The following MAPK10 variants were observed in gnomAD, a reference collection of about 807,000 sequenced individuals.
MAPK10 encodes mitogen-activated protein kinase 10, also known as JNK3 alpha protein kinase.
MAPK10 carries 25 observed loss-of-function variants against 59.3 expected under a neutral mutation model. That is an observed-to-expected ratio of 0.42 (90% CI 0.31 to 0.59). The LOEUF is 0.59. Ranked by LOEUF, MAPK10 falls within the 20% of genes least tolerant of loss-of-function variation. MAPK10 has a pLI of 0.15. For missense variants in MAPK10, 351 were observed against 568.9 expected (o/e 0.62, Z 3.90); for synonymous variants, 190 against 200.5 (o/e 0.95, Z 0.44).
At chr4:86,553,821 A>G (rs1425079480) in intron 1 of MAPK10, among the ~76,000 whole-genome samples, 2 of 150,358 alleles carry the variant, frequency 1.3e-5, no homozygotes, top group Non-Finnish European at 3.0e-5. Flanking sequence ...TCTACCCCTT[A>G]TTTTCCTTCT....
rs112048605 is a variant in MAPK10 at position 86,405,143 on chromosome 4, T to A, written c.-122+47887A>T. 1.0e-2 allele frequency among the ~76,000 whole-genome samples: 1,521 copies of A among 152,246 alleles called. 18 individuals are homozygous for A. The highest frequency in any genetic ancestry group is 0.035 in the African/African-American group (1,440 of 41,542). On this transcript the variant is annotated intron_variant, in intron 1 of 13. Coordinates refer to the MAPK10 transcript ENST00000361569. ...AGTTCCATGTCTCTGATTGGATTAGTCTCCTCTAGGCCTTTCTTATTTGAA... is the reference window on the plus strand; with the variant it reads ...AGTTCCATGTCTCTGATTGGATTAGACTCCTCTAGGCCTTTCTTATTTGAA...
chr4:86,416,145 T>A (rs1303798060), intron 1 of MAPK10, among the ~76,000 whole-genome samples: 1 of 152,200 alleles, frequency 6.6e-6, no homozygotes. Flanking sequence ...GGGCAGGACC[T>A]TAATTTAATA....
At chr4:86,461,799 G>A (rs1216956515) in intron 1 of MAPK10, among the ~76,000 whole-genome samples, 1 of 152,076 alleles carries the variant, frequency 6.6e-6, no homozygotes, top group Non-Finnish European at 1.5e-5. Context: ...GGAGGACACT[G>A]GGCAAAAAGT....
At chr4:86,457,574 T>C (rs755062255), upstream of MAPK10, among the ~76,000 whole-genome samples, 1 of 151,880 alleles carries the variant, frequency 6.6e-6, no homozygotes, top group Non-Finnish European at 1.5e-5. Flanking sequence ...CAAAACAAAA[T>C]AAAATAATTA....
chr4:86,319,177 G>A (rs1012467475), intron 2 of MAPK10, among the ~76,000 whole-genome samples: 2 of 152,120 alleles, frequency 1.3e-5, no homozygotes, highest in African/African-American at 2.4e-5. Context: ...GAAGAGACAA[G>A]TAAGGTGGAC....
chr4:86,394,426 C>T (rs1333058465), intron 1 of MAPK10, among the ~76,000 whole-genome samples: 1 of 152,102 alleles, frequency 6.6e-6, no homozygotes, highest in Non-Finnish European at 1.5e-5. Flanking sequence ...AACTACATAT[C>T]AAAACTGAGA....
chr4:86,525,695 T>A (rs145640042), intron 1 of MAPK10, among the ~76,000 whole-genome samples: 178 of 152,334 alleles, frequency 1.2e-3, no homozygotes, highest in Non-Finnish European at 6.5e-4. Context: ...GCTCAACACT[T>A]ACGAGTATTC....
intron 1 of MAPK10, among the ~76,000 whole-genome samples, chr4:86,414,473 G>C (rs905567915): frequency 1.3e-5 from 2 of 152,192 alleles, no homozygotes; most frequent in African/African-American, 4.8e-5. Context: ...GTGATAGCTA[G>C]AATTGTTACC....
At chr4:86,139,967 T>C (rs1383499617) in intron 4 of MAPK10, among the ~76,000 whole-genome samples, 1 of 144,048 alleles carries the variant, frequency 6.9e-6, no homozygotes, top group African/African-American at 2.7e-5. Flanking sequence ...GAAATGCAAA[T>C]CAAAACCACA....
intron 1 of MAPK10, among the ~76,000 whole-genome samples, chr4:86,559,130 G>GA (rs1760483352): frequency 6.6e-6 from 1 of 151,996 alleles, no homozygotes; most frequent in Admixed American, 6.6e-5. Flanking sequence ...GTCTGCTACT[G>GA]AAGCAAAATG....
At chr4:86,499,810 C>G (rs1056214172) in intron 1 of MAPK10, among the ~76,000 whole-genome samples, 2 of 152,150 alleles carry the variant, frequency 1.3e-5, no homozygotes, top group African/African-American at 2.4e-5. Context: ...TTAGAGAAAG[C>G]TCCTTAAGAC....
intron 1 of MAPK10, among the ~76,000 whole-genome samples, chr4:86,467,606 G>A (rs550763315): frequency 3.3e-5 from 5 of 152,166 alleles, no homozygotes; most frequent in African/African-American, 9.6e-5. Context: ...TGCAACCTCC[G>A]CCTCCCGGGT....
intron 1 of MAPK10, among the ~76,000 whole-genome samples, chr4:86,519,423 T>TTTAA (rs1756946112): frequency 1.3e-5 from 2 of 152,226 alleles, no homozygotes; most frequent in East Asian, 3.8e-4. Context: ...AAGTCTGTTT[T>TTTAA]GTCTAATAAT....
In MAPK10 at chr4:86,134,020, A is replaced by C. The variant is rs533018191; in HGVS notation, c.236+25278T>G. ...AAATGTTCATCTGGCCATCTTTTGC[A>C]TGCAAACTATCAGTCACCAACTGCT... On this transcript the variant is annotated intron_variant, in intron 4 of 13. Coordinates refer to ENST00000641462, the MANE Select transcript of MAPK10 (RefSeq NM_138982.4). Among the ~76,000 whole-genome samples the C allele has an allele frequency of 1.3e-4, 20 of 152,348 alleles. 1 individual carries two copies. In the South Asian group the frequency reaches 4.1e-3, roughly 32 times the overall value.
intron 2 of MAPK10, among the ~76,000 whole-genome samples, chr4:86,292,026 C>T (rs1256758940): frequency 6.6e-6 from 1 of 152,078 alleles, no homozygotes; most frequent in Non-Finnish European, 1.5e-5. Context: ...ACTAATTGAG[C>T]CCATGGAGAC....
intron 2 of MAPK10, among the ~76,000 whole-genome samples, chr4:86,206,024 CA>C (rs968618356): frequency 6.6e-6 from 1 of 151,588 alleles, no homozygotes; most frequent in Non-Finnish European, 1.5e-5. Context: ...CCACTGAAGA[CA>C]ACAGGATTTT....
chr4:86,307,864 T>C (rs1278433138), intron 2 of MAPK10, among the ~76,000 whole-genome samples: 1 of 152,118 alleles, frequency 6.6e-6, no homozygotes, highest in Non-Finnish European at 1.5e-5. Flanking sequence ...TTGCATCAGA[T>C]GGATTTAGAG....
At chr4:86,230,438 T>C (rs902153107) in intron 2 of MAPK10, among the ~76,000 whole-genome samples, 3 of 152,234 alleles carry the variant, frequency 2.0e-5, no homozygotes, top group African/African-American at 4.8e-5. Flanking sequence ...CCTGATAACC[T>C]ACTAATTTTA....
At chr4:86,426,762 C>A (rs1486865490) in intron 1 of MAPK10, among the ~76,000 whole-genome samples, 1 of 152,090 alleles carries the variant, frequency 6.6e-6, no homozygotes, top group Non-Finnish European at 1.5e-5. Context: ...CCTAGTTTAG[C>A]CTGAATTTGC....
Sources: gnomAD v4.1 joint callset for allele counts (sites outside exome capture counted in the v4.1 genomes callset) on GRCh38, gnomAD v4.1.1 for gene constraint, MANE v1.5 for transcripts, NCBI Gene and HGNC (gene_info 2026-07-23, HGNC 2026-07-21) for gene names.